The following FAT1 variants were observed in gnomAD, a reference collection of about 807,000 sequenced individuals.
The protein encoded by FAT1 is FAT atypical cadherin 1.
Under a neutral mutation model 329.8 loss-of-function variants are expected in FAT1, and 171 were observed. The observed-to-expected ratio is 0.52, with a 90% CI of 0.46 to 0.59. The LOEUF is 0.59. Ranked by LOEUF, FAT1 falls within the 20% of genes least tolerant of loss-of-function variation. The pLI, the probability that FAT1 is intolerant of heterozygous loss-of-function variation, is 0.00. For synonymous variants in FAT1, 2,233 were observed against 2,228.6 expected, an observed-to-expected ratio of 1.00 and a Z score of -0.06; for missense variants, 5,672 against 5,774.4, an observed-to-expected ratio of 0.98 and a Z score of 0.57.
chr4:186,669,357 G>C (rs1050002657), intron 2 of FAT1, among the ~76,000 whole-genome samples: 2 of 152,230 alleles, frequency 1.3e-5, no homozygotes, highest in Non-Finnish European at 2.9e-5. Flanking sequence ...GAGAGCGGTC[G>C]TGATGCTGCT....
Position 186,603,043 on chromosome 4 carries a change from A to G in FAT1, c.11351-9T>C. The G allele has an allele frequency of 6.2e-7, 1 of 1,613,728 alleles. No homozygotes were observed. The highest frequency in any genetic ancestry group is 1.7e-5 in the Admixed American group (1 of 59,992). On this transcript the variant is annotated splice_polypyrimidine_tract_variant and intron_variant, in intron 19 of 26. Coordinates refer to ENST00000441802, the MANE Select transcript of FAT1 (RefSeq NM_005245.4). The stretch of plus-strand genomic sequence containing the variant: ...AGGTGGGCACCTTCCCTCTTCATTC[A>G]AAGAGGGGAGAAAGGGAAAAGATAA...
intron 2 of FAT1, among the ~76,000 whole-genome samples, chr4:186,697,984 A>T (rs115820756): frequency 0.013 from 2,052 of 152,310 alleles, 51 homozygotes; most frequent in African/African-American, 0.047. Flanking sequence ...AGATTCTCAA[A>T]GTTTCTGTGA....
At chr4:186,674,036 G>A (rs1016583350) in intron 2 of FAT1, among the ~76,000 whole-genome samples, 1 of 152,202 alleles carries the variant, frequency 6.6e-6, no homozygotes, top group African/African-American at 2.4e-5. Context: ...ACCTACCAAT[G>A]GCAATGCTTC....
intron 2 of FAT1, among the ~76,000 whole-genome samples, chr4:186,682,734 T>C (rs1466829051): frequency 6.6e-6 from 1 of 152,166 alleles, no homozygotes. Context: ...TGGCAGGACA[T>C]GGCCACTTAA....
intron 3 of FAT1, among the ~76,000 whole-genome samples, chr4:186,642,875 G>T (rs1741167359): frequency 1.3e-5 from 2 of 152,352 alleles, no homozygotes; most frequent in South Asian, 4.1e-4. Flanking sequence ...TGGAAGAGAA[G>T]CTTCGTGTCC....
Position 186,645,397 on chromosome 4 carries a change from AT to A in FAT1, c.3581-5615del, listed in dbSNP as rs1560962400. On this transcript the variant is annotated intron_variant, in intron 3 of 26. Transcript: ENST00000441802. ...TATATATATATATATATATATATAT[AT>A]ATATATATATATATATATATATATG... Among the ~76,000 whole-genome samples, 475 of 106,980 alleles carry A rather than the reference AT, an allele frequency of 4.4e-3. 19 individuals are homozygous for A. Among genetic ancestry groups the A allele is most frequent in the African/African-American group, 0.01 (284 of 27,652 alleles). 70.2% of individuals were successfully genotyped at this position (106,980 alleles called of 152,430 possible).
At position 186,723,806 on chromosome 4, in the gene FAT1, C is replaced by G. The variant is rs1377366050; in HGVS notation, c.-161G>C. 1 of 150,784 alleles carries G rather than the reference C, an allele frequency of 6.6e-6. No homozygotes were observed. Among genetic ancestry groups the G allele is most frequent in the Non-Finnish European group, 1.5e-5 (1 of 67,698 alleles). 9.3% of individuals were successfully genotyped at this position (150,784 alleles called of 1,614,324 possible). On this transcript the variant is annotated 5_prime_UTR_variant, in exon 1 of 27. Transcript: ENST00000441802. ...GTACCTGCCGCACGAGCCGCTCCCG[C>G]GCCCTCTCCCCGCGCCCGGCCGCCC...
intron 2 of FAT1, among the ~76,000 whole-genome samples, chr4:186,666,461 G>C (rs1742443689): frequency 6.6e-6 from 1 of 152,214 alleles, no homozygotes; most frequent in African/African-American, 2.4e-5. Context: ...TTCTCTCCGG[G>C]AGGATTACAC....
chr4:186,691,911 G>A (rs188921760), intron 2 of FAT1, among the ~76,000 whole-genome samples: 6 of 151,742 alleles, frequency 4.0e-5, no homozygotes, highest in Admixed American at 2.0e-4. Flanking sequence ...AAACATGTAT[G>A]CTTTACTGTG....
intron 15 of FAT1, 34 bp downstream of exon 15, chr4:186,609,767 A>G (rs1739312316): frequency 1.4e-6 from 2 of 1,430,578 alleles, no homozygotes; most frequent in Non-Finnish European, 2.0e-6. Flanking sequence ...CAGAAGATAC[A>G]CAGTTTTCAC....
intron 3 of FAT1, among the ~76,000 whole-genome samples, chr4:186,655,566 C>G (rs1490899240): frequency 1.3e-5 from 2 of 152,032 alleles, no homozygotes; most frequent in Non-Finnish European, 2.9e-5. Flanking sequence ...TCCCAAGTAG[C>G]TGGGATTACA....
rs776270772 is a variant in FAT1 at position 186,611,559 on chromosome 4, G to C, written c.9680C>G (p.Pro3227Arg). The part of the protein sequence containing the change: ...IVSVLDINDN[P>R]PVFEYREYGA... ...ATATTCACGGTACTCAAACACAGGG[G>C]GGTTGTCATTTATGTCAAGAACTGA... The change falls in exon 14 of 27, where the codon CCC (proline) becomes CGC (arginine). Residue 3227 changes from proline (P) to arginine (R), a missense_variant. By Grantham distance (103) the Pro-to-Arg change is moderately radical (BLOSUM62 -2). Coordinates refer to ENST00000441802, the MANE Select transcript of FAT1 (RefSeq NM_005245.4). 8 of 1,613,880 alleles carry C rather than the reference G, an allele frequency of 5.0e-6. No homozygotes were observed. The South Asian group carries it at 7.7e-5, about 16-fold the overall frequency.
In FAT1 at chr4:186,709,719, G is replaced by A; in HGVS notation, c.109C>T (p.Leu37Phe). Reference protein sequence around the residue: ...LEQTPLQFTHLEYNVTVQENS... With the variant: ...LEQTPLQFTHFEYNVTVQENS... Reference sequence around the variant, plus strand: ...TCCTGCACGGTGACGTTGTACTCGAGGTGTGTAAACTGCAGAGGAGTCTGT... The same window carrying A: ...TCCTGCACGGTGACGTTGTACTCGAAGTGTGTAAACTGCAGAGGAGTCTGT... Residue 37 changes from leucine to phenylalanine, a missense_variant, in exon 2 of 27, where the codon CTC (leucine) becomes TTC (phenylalanine). By Grantham distance (22) the Leu-to-Phe change is conservative. Around this residue, in one of 2 missense-constraint regions of FAT1, gnomAD observed 3,966 missense variants for 3,915.2 expected, o/e 1.01. Coordinates refer to ENST00000441802, the MANE Select transcript of FAT1 (RefSeq NM_005245.4). The A allele has an allele frequency of 6.2e-7, 1 of 1,613,892 alleles. No individual in the cohort carries two copies. Among genetic ancestry groups the A allele is most frequent in the Non-Finnish European group, 8.5e-7 (1 of 1,179,864 alleles).
intron 1 of FAT1, among the ~76,000 whole-genome samples, chr4:186,718,543 T>TGTAGTCC (rs1745323586): frequency 6.6e-6 from 1 of 152,134 alleles, no homozygotes. Flanking sequence ...GGCATGCACC[T>TGTAGTCC]GTAGTCCCAG....
chr4:186,636,988 T>C, intron 4 of FAT1, 74 bp from the exon 5 acceptor site: 2 of 1,303,394 alleles, frequency 1.5e-6, no homozygotes, highest in Middle Eastern at 2.0e-4. Flanking sequence ...TTCCTCATGC[T>C]ACTCCGCATG....
chr4:186,659,961 C>T (rs1057342323), intron 3 of FAT1, among the ~76,000 whole-genome samples: 2 of 152,210 alleles, frequency 1.3e-5, no homozygotes, highest in African/African-American at 4.8e-5. Flanking sequence ...CTGCACTCTA[C>T]ACACACGAGC....
At chr4:186,710,507 T>G (rs1744900146) in intron 1 of FAT1, among the ~76,000 whole-genome samples, 1 of 152,228 alleles carries the variant, frequency 6.6e-6, no homozygotes, top group Non-Finnish European at 1.5e-5. Context: ...AATAATTATA[T>G]CAAGTATAAT....
At position 186,595,300 on chromosome 4, in the gene FAT1, T is replaced by C. The variant is rs552078496; in HGVS notation, c.13138+389A>G. 7.7e-3 allele frequency among the ~76,000 whole-genome samples: 1,140 copies of C among 148,642 alleles called. 15 individuals are homozygous for C. Among genetic ancestry groups the C allele is most frequent in the African/African-American group, 0.028 (1,087 of 38,958 alleles). The stretch of plus-strand genomic sequence containing the variant: ...ATCACATCTCTTCTTAGAGGGGGTG[T>C]GTGTGTGTGTGTGTGTGAGAGAGAG... On this transcript the variant is annotated intron_variant, in intron 26 of 26. Coordinates refer to ENST00000441802, the MANE Select transcript of FAT1 (RefSeq NM_005245.4).
chr4:186,665,318 T>A (rs896984778), intron 2 of FAT1, among the ~76,000 whole-genome samples: 4 of 152,260 alleles, frequency 2.6e-5, no homozygotes, highest in East Asian at 1.9e-4. Context: ...CCAACAGTGT[T>A]AAAGTGTTCC....
Sources: gnomAD v4.1 joint callset for allele counts (sites outside exome capture counted in the v4.1 genomes callset) on GRCh38, gnomAD v4.1.1 for gene constraint, gnomAD v4.1.1 regional missense constraint, MANE v1.5 for transcripts, NCBI Gene and HGNC (gene_info 2026-07-23, HGNC 2026-07-21) for gene names.